Variants in ANK1 observed in about 807,000 individuals in gnomAD.
ANK1 encodes ankyrin-1.
Under a neutral mutation model 210.4 loss-of-function variants are expected in ANK1, and 51 were observed. The observed-to-expected ratio is 0.24, with a 90% CI of 0.19 to 0.31. The LOEUF (loss-of-function observed/expected upper bound fraction) is 0.31. Ranked by LOEUF, ANK1 falls within the 10% of genes least tolerant of loss-of-function variation. ANK1 has a pLI of 1.00. For missense variants in ANK1, 2,051 were observed against 2,504.4 expected, an observed-to-expected ratio of 0.82 and a Z score of 3.86; for synonymous variants, 967 against 1,025.9, an observed-to-expected ratio of 0.94 and a Z score of 1.10.
intron 1 of ANK1, among the ~76,000 whole-genome samples, chr8:41,892,203 G>C (rs1231621286): frequency 3.4e-5 from 5 of 146,238 alleles, no homozygotes; most frequent in Non-Finnish European, 7.5e-5. Context: ...GACCCACCAA[G>C]CCTCCTTGTC....
At chr8:41,670,255 T>C (rs1223847072) in intron 38 of ANK1, among the ~76,000 whole-genome samples, 1 of 152,118 alleles carries the variant, frequency 6.6e-6, no homozygotes, top group Admixed American at 6.5e-5. Flanking sequence ...CAGGCACTCT[T>C]TATTGGTGCC....
At chr8:41,797,916 G>T (rs892021673), upstream of ANK1, among the ~76,000 whole-genome samples, 26 of 152,008 alleles carry the variant, frequency 1.7e-4, no homozygotes, top group African/African-American at 6.3e-4. This position sits in a 1 kb window ranked among gnomAD's most constrained non-coding sequence, Gnocchi z 4.0. Context: ...AAGGGAGTCC[G>T]GTTTAGTCGC....
chr8:41,883,109 G>A (rs1817871482), intron 1 of ANK1, among the ~76,000 whole-genome samples: 1 of 152,198 alleles, frequency 6.6e-6, no homozygotes, highest in Non-Finnish European at 1.5e-5. Flanking sequence ...TATCCAAAGG[G>A]CCAGCTCTGT....
At chr8:41,840,556 G>A (rs1192457311) in intron 1 of ANK1, among the ~76,000 whole-genome samples, 3 of 152,310 alleles carry the variant, frequency 2.0e-5, no homozygotes, top group East Asian at 1.9e-4. Context: ...ATTTGGTTCC[G>A]GGTGAGGGCT....
chr8:41,842,549 G>A (rs765524445), intron 1 of ANK1, among the ~76,000 whole-genome samples: 33 of 152,022 alleles, frequency 2.2e-4, no homozygotes, highest in Admixed American at 4.6e-4. Context: ...CTTAGCACAA[G>A]CAACCATGGG....
At chr8:41,896,183 G>A (rs1820489482) in intron 1 of ANK1, among the ~76,000 whole-genome samples, 2 of 152,066 alleles carry the variant, frequency 1.3e-5, no homozygotes, top group African/African-American at 4.8e-5. Flanking sequence ...TCCCGGCCGC[G>A]CAGAAGCCTC....
chr8:41,798,826 T>A (rs1003800549), upstream of ANK1, among the ~76,000 whole-genome samples: 2 of 152,138 alleles, frequency 1.3e-5, no homozygotes, highest in Non-Finnish European at 2.9e-5. Flanking sequence ...CTTCCTCACG[T>A]GATGCTTGGC....
At chr8:41,882,531 G>A (rs963306392) in intron 1 of ANK1, among the ~76,000 whole-genome samples, 1 of 152,188 alleles carries the variant, frequency 6.6e-6, no homozygotes, top group African/African-American at 2.4e-5. Flanking sequence ...GGCACTGGGA[G>A]GGACTGAAAT....
At chr8:41,788,384 C>T (rs1394299916) in intron 1 of ANK1, among the ~76,000 whole-genome samples, 1 of 152,152 alleles carries the variant, frequency 6.6e-6, no homozygotes, top group Non-Finnish European at 1.5e-5. Context: ...GAACACCAGA[C>T]ACCTGTGAGG....
At chr8:41,781,909 G>A (rs997393851) in intron 1 of ANK1, among the ~76,000 whole-genome samples, 1 of 152,210 alleles carries the variant, frequency 6.6e-6, no homozygotes, top group African/African-American at 2.4e-5. Context: ...GGGGGTCCCT[G>A]CTGCTGGCGG....
At chr8:41,829,126 G>C (rs562653319) in intron 1 of ANK1, 1 of 152,326 alleles carries the variant, frequency 6.6e-6, no homozygotes, top group African/African-American at 2.4e-5. Flanking sequence ...TCCCTACGGG[G>C]ACGGGGGCCA....
chr8:41,661,464 G>A lies in ANK1; in HGVS notation c.*2C>T. On this transcript the variant is annotated 3_prime_UTR_variant, in exon 42 of 43. Coordinates refer to ENST00000289734, the MANE Select transcript of ANK1 (RefSeq NM_000037.4). The stretch of plus-strand genomic sequence containing the variant: ...GGCTACTCCAAGGAGAGCGGCTCGG[G>A]GTCACTGTTTCCCCCTTTTCAGGCT... 6.2e-7 allele frequency: 1 copy of A among 1,614,016 alleles called. No individual in the cohort carries two copies. Among genetic ancestry groups the A allele is most frequent in the Non-Finnish European group, 8.5e-7 (1 of 1,180,034 alleles).
chr8:41,875,150 C>G (rs1200556474), intron 1 of ANK1, among the ~76,000 whole-genome samples: 3 of 152,210 alleles, frequency 2.0e-5, no homozygotes, highest in Non-Finnish European at 4.4e-5. Context: ...TCTTCCTGAA[C>G]TCCAAGCCCT....
intron 1 of ANK1, among the ~76,000 whole-genome samples, chr8:41,878,523 C>G (rs1817003007): frequency 6.6e-6 from 1 of 152,166 alleles, no homozygotes; most frequent in Non-Finnish European, 1.5e-5. Flanking sequence ...TCAAATCGCA[C>G]TCAAGGTTAA....
intron 1 of ANK1, among the ~76,000 whole-genome samples, chr8:41,758,579 C>A (rs561401285): frequency 6.6e-6 from 1 of 151,980 alleles, no homozygotes; most frequent in Non-Finnish European, 1.5e-5. Flanking sequence ...TGAGCTCAAG[C>A]GATCCTTCCA....
chr8:41,688,682 G>C, intron 33 of ANK1, 93 bp from the exon 34 acceptor site: 1 of 1,073,124 alleles, frequency 9.3e-7, no homozygotes, highest in Non-Finnish European at 1.4e-6. Flanking sequence ...GGTGTGGAAG[G>C]CTGACCCCAG....
chr8:41,851,396 T>C (rs1336166644), intron 1 of ANK1, among the ~76,000 whole-genome samples: 1 of 152,128 alleles, frequency 6.6e-6, no homozygotes, highest in Admixed American at 6.5e-5. Context: ...ATCTACTAGG[T>C]CTAAACCCAG....
chr8:41,695,451 G>T, intron 26 of ANK1, 120 bp from the exon 27 acceptor site: 1 of 1,388,558 alleles, frequency 7.2e-7, no homozygotes, highest in Non-Finnish European at 1.0e-6. Context: ...CCACGTGGAG[G>T]CCCCACCTGC....
chr8:41,818,327 A>G (rs1803657031), intron 1 of ANK1, among the ~76,000 whole-genome samples: 1 of 152,232 alleles, frequency 6.6e-6, no homozygotes, highest in Admixed American at 6.5e-5. Flanking sequence ...AGTTGTGGAT[A>G]TAAGAGAGCA....
Sources: allele counts gnomAD v4.1 joint callset (sites outside exome capture counted in the v4.1 genomes callset), GRCh38; gene constraint gnomAD v4.1.1; non-coding constraint Gnocchi (gnomAD v3.1); transcripts MANE v1.5; gene names NCBI Gene and HGNC (gene_info 2026-07-23, HGNC 2026-07-21).